The following CBL variants were observed in gnomAD, a reference collection of about 807,000 sequenced individuals.
The protein encoded by CBL is Cbl proto-oncogene.
Under a neutral mutation model 96.9 loss-of-function variants are expected in CBL, and 45 were observed. The ratio of observed to expected loss-of-function variants is 0.46; its 90% CI spans 0.37 to 0.60. CBL has a LOEUF of 0.60. Among genes scored for constraint, CBL ranks in the 20% least tolerant of loss-of-function variants. The pLI is 0.00. For synonymous variants in CBL, 420 were observed against 426.8 expected (o/e 0.98, Z 0.20); for missense variants, 1,024 against 1,143.5 (o/e 0.90, Z 1.51).
rs980199009 is a variant in CBL at position 119,304,350 on chromosome 11, AG to A, written c.*4572del. The A allele has an allele frequency of 5.1e-5, 12 of 233,132 alleles. No homozygotes were observed. The highest frequency in any genetic ancestry group is 2.6e-4 in the African/African-American group (12 of 45,318). 14.4% of individuals were successfully genotyped at this position (233,132 alleles called of 1,614,324 possible). ...GTCAAGGTTATATTTTTGACTGCTT[AG>A]GGATTCTTTGGATCCAAGAAACAGA... On this transcript the variant is annotated 3_prime_UTR_variant, in exon 16 of 16. Transcript: ENST00000264033.
At chr11:119,267,616 T>C (rs540790249) in intron 2 of CBL, among the ~76,000 whole-genome samples, 36 of 152,360 alleles carry the variant, frequency 2.4e-4, no homozygotes, top group African/African-American at 8.7e-4. Context: ...CTCTGTGTTA[T>C]TCTTCCTCAC....
intron 2 of CBL, among the ~76,000 whole-genome samples, chr11:119,233,389 A>G (rs528424130): frequency 6.6e-6 from 1 of 152,220 alleles, no homozygotes; most frequent in African/African-American, 2.4e-5. Context: ...GTGCACCACC[A>G]TGCCTGATTA....
At chr11:119,240,708 T>C (rs1230368350) in intron 2 of CBL, among the ~76,000 whole-genome samples, 1 of 152,164 alleles carries the variant, frequency 6.6e-6, no homozygotes, top group Non-Finnish European at 1.5e-5. Flanking sequence ...TTCATAGCCA[T>C]GTGCATGGGG....
chr11:119,242,758 A>AG lies in CBL; in HGVS notation c.443+10063_443+10064insG, dbSNP rs1308048343. Reference sequence around the variant, plus strand: ...TGACTCTTTAAAAAAAAAAAAAAAAAAAAGAAACCAGTTTGCTAGGCCTAA... The same window carrying AG: ...TGACTCTTTAAAAAAAAAAAAAAAAAGAAAGAAACCAGTTTGCTAGGCCTAA... On this transcript the variant is annotated intron_variant, in intron 2 of 15. Coordinates refer to ENST00000264033, the MANE Select transcript of CBL (RefSeq NM_005188.4). Among the ~76,000 whole-genome samples the AG allele has an allele frequency of 3.3e-5, 5 of 150,662 alleles. No homozygotes were observed. The South Asian group carries it at 8.4e-4, about 25-fold the overall frequency.
intron 1 of CBL, among the ~76,000 whole-genome samples, chr11:119,231,623 G>C (rs905534777): frequency 6.6e-6 from 1 of 151,388 alleles, no homozygotes; most frequent in Non-Finnish European, 1.5e-5. Context: ...CAGGAGAATC[G>C]CTTGAACCCG....
At chr11:119,269,312 T>C (rs1424065875) in intron 2 of CBL, among the ~76,000 whole-genome samples, 1 of 144,076 alleles carries the variant, frequency 6.9e-6, no homozygotes, top group East Asian at 2.1e-4. Context: ...AGTGGTGCAA[T>C]CTCAGCTCAC....
chr11:119,276,003 CT>C lies in CBL; in HGVS notation c.878del (p.Phe293SerfsTer3). 1 of 1,614,116 alleles carries C rather than the reference CT, an allele frequency of 6.2e-7. No homozygotes were observed. Among genetic ancestry groups the C allele is most frequent in the Non-Finnish European group, 8.5e-7 (1 of 1,179,954 alleles). On this transcript the variant is annotated frameshift_variant, in exon 6 of 16. Transcript: ENST00000264033. LOFTEE classifies it high-confidence loss of function. ...KFIHKPGSYI[F>X]RLSCTRLGQW... ...TGTTTATGTCTGTTCATAGTTATAT[CT>C]TCCGGCTGAGCTGTACTCGTCTGGG...
At chr11:119,235,765 T>C (rs1220853401) in intron 2 of CBL, among the ~76,000 whole-genome samples, 13 of 152,250 alleles carry the variant, frequency 8.5e-5, no homozygotes, top group Non-Finnish European at 2.9e-5. Flanking sequence ...CTTCAGTACA[T>C]GTTGACAAGT....
intron 2 of CBL, among the ~76,000 whole-genome samples, chr11:119,265,882 C>T (rs1041634957): frequency 2.2e-4 from 33 of 151,888 alleles, no homozygotes; most frequent in African/African-American, 6.8e-4. Flanking sequence ...ATTAACCGGG[C>T]GTGGTGGTGT....
At position 119,296,977 on chromosome 11, in the gene CBL, A is replaced by T. The variant is rs866325598; in HGVS notation, c.2096A>T (p.Glu699Val). ...GEQCEGEEDT[E>V]YMTPSSRPLR... ...CAATGTGAGGGTGAAGAGGACACAG[A>T]GTACATGACTCCCTCTTCCAGGCCT... is the stretch of plus-strand genomic sequence containing the variant. The change falls in exon 13 of 16, where the codon GAG (glutamate) becomes GTG (valine). Residue 699 changes from glutamate to valine, a missense_variant. Glu to Val is a moderately radical substitution (Grantham distance 121, BLOSUM62 -2). Around this residue, in one of 4 missense-constraint regions of CBL, gnomAD observed 695 missense variants for 661.6 expected, o/e 1.05. Transcript: ENST00000264033. 1.2e-6 allele frequency: 2 copies of T among 1,612,690 alleles called. No homozygotes were observed. The highest frequency in any genetic ancestry group is 8.5e-7 in the Non-Finnish European group (1 of 1,178,644).
intron 1 of CBL, among the ~76,000 whole-genome samples, chr11:119,221,516 C>CCA (rs1949410815): frequency 6.6e-6 from 1 of 151,966 alleles, no homozygotes; most frequent in African/African-American, 2.4e-5. Context: ...GTCTATAATC[C>CCA]CAGCACTTTG....
Position 119,234,231 on chromosome 11 carries a change from C to T in CBL, c.443+1536C>T, listed in dbSNP as rs1323831058. ...CATGTTGGCAAGCTGGTGTTGAACT[C>T]CTGACCTCAGGGGATCCGCCTGCCT... On this transcript the variant is annotated intron_variant, in intron 2 of 15. Coordinates refer to ENST00000264033, the MANE Select transcript of CBL (RefSeq NM_005188.4). Among the ~76,000 whole-genome samples the T allele has an allele frequency of 2.0e-5, 3 of 152,146 alleles. No individual in the cohort carries two copies. In the East Asian group the frequency reaches 5.8e-4, roughly 29 times the overall value.
At position 119,301,324 on chromosome 11, in the gene CBL, TAGTC is replaced by T. The variant is rs1452291126; in HGVS notation, c.*1547_*1550del. On this transcript the variant is annotated 3_prime_UTR_variant, in exon 16 of 16. Transcript: ENST00000264033. ...TTGAGGGTCCAGTTGGGAGAACTAT[TAGTC>T]AGTTCTTTTATATGCTGATAAATGA... 6 of 233,124 alleles carry T rather than the reference TAGTC, an allele frequency of 2.6e-5. No homozygotes were observed. The highest frequency in any genetic ancestry group is 4.4e-5 in the African/African-American group (2 of 45,338). The allele number at this position is 233,124 out of a possible 1,614,324, so 14.4% of individuals were successfully genotyped here.
Position 119,274,011 on chromosome 11 carries a change from C to T in CBL, c.734C>T (p.Thr245Ile), listed in dbSNP as rs375576063. The change falls in exon 4 of 16, where the codon ACC (threonine) becomes ATC (isoleucine). Residue 245 changes from threonine to isoleucine, a missense_variant. Coordinates refer to ENST00000264033, the MANE Select transcript of CBL (RefSeq NM_005188.4). The stretch of plus-strand genomic sequence containing the variant: ...TCGGTTTTTGAATTTGACATCTTTA[C>T]CCGACTCTTTCAGGTAGGACACTAA... Reference protein sequence around the residue: ...YISVFEFDIFTRLFQPWSSLL... With the variant: ...YISVFEFDIFIRLFQPWSSLL... The T allele has an allele frequency of 1.9e-6, 3 of 1,613,584 alleles. No homozygotes were observed. The highest frequency in any genetic ancestry group is 2.2e-5 in the South Asian group (2 of 91,078).
At chr11:119,242,537 C>CAAAAAAAAAA (rs71048052) in intron 2 of CBL, among the ~76,000 whole-genome samples, 1 of 76,372 alleles carries the variant, frequency 1.3e-5, no homozygotes, top group Non-Finnish European at 2.4e-5. Flanking sequence ...GACTCCATCT[C>CAAAAAAAAAA]AAAAAAAAAA....
chr11:119,293,068 A>T (rs1477147441), intron 12 of CBL, among the ~76,000 whole-genome samples: 3 of 151,542 alleles, frequency 2.0e-5, no homozygotes, highest in Non-Finnish European at 4.4e-5. Flanking sequence ...AAGTTCTAGT[A>T]TTTCCATGTG....
chr11:119,213,629 GATTT>G (rs1006466161), intron 1 of CBL, among the ~76,000 whole-genome samples: 23 of 152,126 alleles, frequency 1.5e-4, no homozygotes, highest in African/African-American at 5.1e-4. Flanking sequence ...TTTAAAAAGG[GATTT>G]ATTTATTTAT....
intron 1 of CBL, among the ~76,000 whole-genome samples, chr11:119,223,018 AT>A (rs1212860577): frequency 6.6e-6 from 1 of 151,842 alleles, no homozygotes; most frequent in Non-Finnish European, 1.5e-5. Flanking sequence ...GCTGCAAAAA[AT>A]AGTTTAAAAA....
intron 15 of CBL, among the ~76,000 whole-genome samples, chr11:119,299,159 C>T (rs1288227753): frequency 6.6e-6 from 1 of 152,176 alleles, no homozygotes; most frequent in Non-Finnish European, 1.5e-5. Flanking sequence ...TTGTAGAAGG[C>T]GAAGTTTAGT....
Sources: gnomAD v4.1 joint callset for allele counts (sites outside exome capture counted in the v4.1 genomes callset) on GRCh38, gnomAD v4.1.1 for gene constraint, gnomAD v4.1.1 regional missense constraint, MANE v1.5 for transcripts, NCBI Gene and HGNC (gene_info 2026-07-23, HGNC 2026-07-21) for gene names.